RELN: variants seen among roughly 807,000 people sequenced by gnomAD.
RELN encodes the protein reelin.
A neutral mutation model predicts 427.6 loss-of-function variants in RELN; 108 were observed. The ratio of observed to expected loss-of-function variants is 0.25; its 90% CI spans 0.22 to 0.30. The LOEUF (loss-of-function observed/expected upper bound fraction) is 0.30, where lower values mean the gene tolerates loss of function less well. Ranked by LOEUF, RELN falls within the 10% of genes least tolerant of loss-of-function variation. The pLI, the probability that RELN is intolerant of heterozygous loss-of-function variation, is 1.00. For missense variants in RELN, 3,715 were observed against 4,302.8 expected, an observed-to-expected ratio of 0.86 and a Z score of 3.82; for synonymous variants, 1,524 against 1,513.4, an observed-to-expected ratio of 1.01 and a Z score of -0.16.
At chr7:103,750,258 G>A (rs780954067) in intron 5 of RELN, among the ~76,000 whole-genome samples, 7 of 152,286 alleles carry the variant, frequency 4.6e-5, no homozygotes, top group South Asian at 2.1e-4. Flanking sequence ...GGTTACAGGC[G>A]TGAGCCACTG....
At chr7:103,895,951 G>A (rs146872408) in intron 2 of RELN, among the ~76,000 whole-genome samples, 3 of 151,970 alleles carry the variant, frequency 2.0e-5, no homozygotes, top group Admixed American at 1.3e-4. Flanking sequence ...ATCTGATAGA[G>A]GACTGATACA....
At chr7:103,502,660 G>A (rs1364018670) in intron 52 of RELN, among the ~76,000 whole-genome samples, 2 of 152,176 alleles carry the variant, frequency 1.3e-5, no homozygotes, top group Non-Finnish European at 2.9e-5. Flanking sequence ...CAATAATGTG[G>A]AAAGTATATA....
At chr7:103,544,446 C>G (rs867476836) in intron 42 of RELN, among the ~76,000 whole-genome samples, 1 of 151,540 alleles carries the variant, frequency 6.6e-6, no homozygotes, top group Admixed American at 6.6e-5. Flanking sequence ...AGGCTGGTCT[C>G]GAATTCCCGA....
intron 50 of RELN, among the ~76,000 whole-genome samples, chr7:103,514,572 T>C (rs1351894882): frequency 6.6e-6 from 1 of 152,022 alleles, no homozygotes; most frequent in Non-Finnish European, 1.5e-5. Context: ...GGCAGGAGAA[T>C]TGCTTGCACC....
At chr7:103,530,905 C>A (rs756770185) in intron 46 of RELN, among the ~76,000 whole-genome samples, 1 of 152,086 alleles carries the variant, frequency 6.6e-6, no homozygotes, top group Non-Finnish European at 1.5e-5. Flanking sequence ...TCAGTGGTTT[C>A]TTGGGTATAT....
chr7:103,700,188 G>A (rs1241323007), intron 9 of RELN, among the ~76,000 whole-genome samples: 1 of 151,906 alleles, frequency 6.6e-6, no homozygotes, highest in African/African-American at 2.4e-5. Flanking sequence ...AAAAGTTTAA[G>A]GCATTTTTTC....
At chr7:103,522,711 G>C (rs900194810) in intron 47 of RELN, among the ~76,000 whole-genome samples, 1 of 152,162 alleles carries the variant, frequency 6.6e-6, no homozygotes, top group Non-Finnish European at 1.5e-5. Flanking sequence ...GGGAAGCTCA[G>C]GGATCTCAAG....
intron 23 of RELN, 35 bp downstream of exon 23, chr7:103,604,311 A>C: frequency 6.2e-7 from 1 of 1,613,160 alleles, no homozygotes; most frequent in South Asian, 1.1e-5. Context: ...AATCTTGAGA[A>C]GCATGGACCT....
chr7:103,664,444 G>A (rs1324868706), intron 11 of RELN, among the ~76,000 whole-genome samples: 2 of 152,112 alleles, frequency 1.3e-5, no homozygotes, highest in Non-Finnish European at 2.9e-5. Flanking sequence ...GGAGAATTGA[G>A]GGCATAGCCA....
chr7:103,793,265 C>G (rs2116279330), intron 3 of RELN, among the ~76,000 whole-genome samples: 1 of 152,296 alleles, frequency 6.6e-6, no homozygotes, highest in East Asian at 1.9e-4. Flanking sequence ...TTTAAGTCAT[C>G]TAGCATATGT....
intron 51 of RELN, among the ~76,000 whole-genome samples, chr7:103,507,843 A>G (rs1829267348): frequency 6.6e-6 from 1 of 152,214 alleles, no homozygotes; most frequent in Non-Finnish European, 1.5e-5. Flanking sequence ...AAAAAATGAT[A>G]AAGGGGATAT....
chr7:103,616,265 T>C (rs778755604), intron 20 of RELN, among the ~76,000 whole-genome samples: 1 of 152,192 alleles, frequency 6.6e-6, no homozygotes, highest in Non-Finnish European at 1.5e-5. Flanking sequence ...TACAATGTTG[T>C]TTTTGTTTTG....
chr7:103,472,435 T>G lies in RELN; in HGVS notation c.*377A>C. ...ATAGCCGAAATACAGTCCACTTAAATAGCTTTGTGACCAAGAATGTTAAAT... is the reference window on the plus strand; with the variant it reads ...ATAGCCGAAATACAGTCCACTTAAAGAGCTTTGTGACCAAGAATGTTAAAT... On this transcript the variant is annotated 3_prime_UTR_variant, in exon 65 of 65. Transcript: ENST00000428762. 3.6e-6 allele frequency: 1 copy of G among 280,362 alleles called. No individual in the cohort carries two copies. The highest frequency in any genetic ancestry group is 3.9e-5 in the South Asian group (1 of 25,592). The allele number at this position is 280,362 out of a possible 1,614,324, so 17.4% of individuals were successfully genotyped here. A position where few individuals can be genotyped will look rare whatever the true frequency, so the allele number is the denominator to read the frequency against.
At chr7:103,785,366 G>A (rs1791990750) in intron 3 of RELN, among the ~76,000 whole-genome samples, 1 of 152,058 alleles carries the variant, frequency 6.6e-6, no homozygotes, top group East Asian at 1.9e-4. Flanking sequence ...GAAAATCCTA[G>A]TAAAAAACAA....
At chr7:103,842,925 T>C (rs987419934) in intron 2 of RELN, among the ~76,000 whole-genome samples, 1 of 152,126 alleles carries the variant, frequency 6.6e-6, no homozygotes, top group African/African-American at 2.4e-5. Flanking sequence ...TACCATTTAC[T>C]GAATGCCTCT....
At chr7:103,881,486 T>C (rs910185289) in intron 2 of RELN, among the ~76,000 whole-genome samples, 1 of 152,024 alleles carries the variant, frequency 6.6e-6, no homozygotes, top group Non-Finnish European at 1.5e-5. Flanking sequence ...CTTTCTTTAT[T>C]TCTGCACCCC....
At chr7:103,560,186 A>G (rs1464266868) in intron 36 of RELN, among the ~76,000 whole-genome samples, 1 of 152,224 alleles carries the variant, frequency 6.6e-6, no homozygotes, top group African/African-American at 2.4e-5. Context: ...TCAGTGATCC[A>G]TTTGTGCTAA....
intron 21 of RELN, 85 bp from the exon 22 acceptor site, chr7:103,610,892 G>A: frequency 1.3e-6 from 1 of 770,718 alleles, no homozygotes; most frequent in East Asian, 2.5e-5. Flanking sequence ...AAGTGAAAAA[G>A]ACCTCAGAGA....
At chr7:103,661,652 T>C (rs1584386238) in intron 11 of RELN, 125 bp from the exon 12 acceptor site, 10 of 885,202 alleles carry the variant, frequency 1.1e-5, no homozygotes, top group East Asian at 5.3e-5. Context: ...GAAATAAAGA[T>C]ATGGCACTTT....
Sources: gnomAD v4.1 joint callset for allele counts (sites outside exome capture counted in the v4.1 genomes callset) on GRCh38, gnomAD v4.1.1 for gene constraint, MANE v1.5 for transcripts, NCBI Gene and HGNC (gene_info 2026-07-23, HGNC 2026-07-21) for gene names.